The following CTNND2 variants were observed in gnomAD, a reference collection of about 807,000 sequenced individuals.
CTNND2 encodes the protein catenin delta-2.
In CTNND2, 22 loss-of-function variants were observed where a neutral mutation model predicts 144.4. The ratio of observed to expected loss-of-function variants is 0.15; its 90% confidence interval spans 0.11 to 0.22. CTNND2 has a LOEUF of 0.22. Among genes scored for constraint, CTNND2 ranks in the 10% least tolerant of loss-of-function variants. CTNND2 has a pLI of 1.00. For synonymous variants in CTNND2, 751 were observed against 695.6 expected, an observed-to-expected ratio of 1.08 and a Z score of -1.25; for missense variants, 1,353 against 1,618.8, an observed-to-expected ratio of 0.84 and a Z score of 2.82.
intron 3 of CTNND2, among the ~76,000 whole-genome samples, chr5:11,517,085 T>C (rs1430036723): frequency 1.3e-5 from 2 of 152,200 alleles, no homozygotes; most frequent in Admixed American, 6.5e-5. Flanking sequence ...GAAGTTCTAG[T>C]TGCTGAATAA....
At chr5:11,820,294 G>T (rs61761638) in intron 1 of CTNND2, among the ~76,000 whole-genome samples, 1 of 152,230 alleles carries the variant, frequency 6.6e-6, no homozygotes, top group African/African-American at 2.4e-5. Flanking sequence ...GAGATCCAAG[G>T]CTGCCTCTTT....
At chr5:11,478,524 C>T (rs993585468) in intron 3 of CTNND2, among the ~76,000 whole-genome samples, 1 of 152,186 alleles carries the variant, frequency 6.6e-6, no homozygotes, top group African/African-American at 2.4e-5. Context: ...TTTGTCAAAA[C>T]ACATCATACC....
At chr5:11,354,298 C>T (rs763315290) in intron 8 of CTNND2, among the ~76,000 whole-genome samples, 3 of 152,134 alleles carry the variant, frequency 2.0e-5, no homozygotes, top group African/African-American at 4.8e-5. Flanking sequence ...GTGGTTATGG[C>T]ATAAAAGGTA....
At chr5:11,889,483 T>C (rs1052090551) in intron 1 of CTNND2, among the ~76,000 whole-genome samples, 4 of 152,184 alleles carry the variant, frequency 2.6e-5, no homozygotes, top group African/African-American at 9.7e-5. Context: ...CTTAAAATAC[T>C]CGTTAGGCCA....
intron 16 of CTNND2, among the ~76,000 whole-genome samples, chr5:11,061,787 C>T (rs1051644919): frequency 9.9e-5 from 15 of 152,078 alleles, no homozygotes; most frequent in African/African-American, 2.9e-4. Context: ...CGGCTCACTG[C>T]AGCCTCCTCC....
chr5:11,110,762 T>G, intron 14 of CTNND2, 96 bp downstream of exon 14: 6 of 1,203,654 alleles, frequency 5.0e-6, no homozygotes, highest in Non-Finnish European at 6.9e-6. Flanking sequence ...TACCTCCTGA[T>G]GAAAATGCAG....
At chr5:11,124,169 G>A (rs1754426984) in intron 12 of CTNND2, among the ~76,000 whole-genome samples, 1 of 152,106 alleles carries the variant, frequency 6.6e-6, no homozygotes, top group Non-Finnish European at 1.5e-5. Flanking sequence ...AGAACTCCCA[G>A]CCTCTCCTGC....
intron 2 of CTNND2, among the ~76,000 whole-genome samples, chr5:11,610,186 T>C (rs1354270173): frequency 6.6e-6 from 1 of 152,176 alleles, no homozygotes; most frequent in East Asian, 1.9e-4. Flanking sequence ...CAGTAAGACC[T>C]GGCCAGCCCA....
At chr5:11,419,621 C>T (rs1762208216) in intron 3 of CTNND2, among the ~76,000 whole-genome samples, 1 of 152,200 alleles carries the variant, frequency 6.6e-6, no homozygotes, top group Non-Finnish European at 1.5e-5. Context: ...ATAGGAAGCA[C>T]ACTGGTGTAA....
At chr5:11,641,660 AT>A (rs1283796581) in intron 2 of CTNND2, among the ~76,000 whole-genome samples, 3 of 144,448 alleles carry the variant, frequency 2.1e-5, no homozygotes, top group Non-Finnish European at 4.4e-5. Flanking sequence ...ACGTGTGTAT[AT>A]ACATATACGT....
At chr5:11,844,976 C>A (rs1290872809) in intron 1 of CTNND2, among the ~76,000 whole-genome samples, 1 of 152,086 alleles carries the variant, frequency 6.6e-6, no homozygotes, top group Non-Finnish European at 1.5e-5. Context: ...CCATCATTTT[C>A]ATGAACGGGA....
At chr5:11,881,981 A>G (rs1299522212) in intron 1 of CTNND2, among the ~76,000 whole-genome samples, 1 of 152,020 alleles carries the variant, frequency 6.6e-6, no homozygotes, top group Non-Finnish European at 1.5e-5. Flanking sequence ...TTCCCTGATG[A>G]TTAGAGCTGT....
In CTNND2 at chr5:11,474,188, G is replaced by A. The variant is rs547314508; in HGVS notation, c.288-62119C>T. ...GAGATTAGCAAAAAGAATACAATATGATTTATATGATTAAAACTTCAATTA... is the reference window on the plus strand; with the variant it reads ...GAGATTAGCAAAAAGAATACAATATAATTTATATGATTAAAACTTCAATTA... On this transcript the variant is annotated intron_variant, in intron 3 of 21. Coordinates refer to ENST00000304623, the MANE Select transcript of CTNND2 (RefSeq NM_001332.4). 1.6e-3 allele frequency among the ~76,000 whole-genome samples: 246 copies of A among 152,232 alleles called. 2 individuals are homozygous for A. Among genetic ancestry groups the A allele is most frequent in the African/African-American group, 5.8e-3 (239 of 41,534 alleles).
chr5:10,996,507 C>G (rs982047002), intron 18 of CTNND2, among the ~76,000 whole-genome samples: 1 of 151,602 alleles, frequency 6.6e-6, no homozygotes, highest in Admixed American at 6.6e-5. Flanking sequence ...AAACAGCCCT[C>G]GAGGAGGGGG....
chr5:11,814,347 C>T (rs929916527), intron 1 of CTNND2, among the ~76,000 whole-genome samples: 4 of 152,244 alleles, frequency 2.6e-5, no homozygotes, highest in Non-Finnish European at 4.4e-5. Context: ...AGTGGACAAA[C>T]ATCTAATTAA....
At chr5:11,016,926 C>A (rs776580858) in intron 18 of CTNND2, among the ~76,000 whole-genome samples, 6 of 151,480 alleles carry the variant, frequency 4.0e-5, no homozygotes, top group Non-Finnish European at 8.8e-5. Context: ...GCTGCTACCA[C>A]GCCGAGCTTT....
chr5:11,362,271 T>C (rs1321091640), intron 8 of CTNND2, among the ~76,000 whole-genome samples: 3 of 152,226 alleles, frequency 2.0e-5, no homozygotes, highest in Non-Finnish European at 4.4e-5. Flanking sequence ...TCTCCATTTT[T>C]ATGGGTGTTA....
chr5:11,218,976 T>C (rs1370096612), intron 10 of CTNND2, among the ~76,000 whole-genome samples: 1 of 152,204 alleles, frequency 6.6e-6, no homozygotes, highest in African/African-American at 2.4e-5. Context: ...GGCCTGCACA[T>C]AGGGTGTGGC....
chr5:11,829,661 A>G (rs1793790867), intron 1 of CTNND2, among the ~76,000 whole-genome samples: 1 of 152,226 alleles, frequency 6.6e-6, no homozygotes, highest in South Asian at 2.1e-4. Context: ...TTTGCTACAG[A>G]GGCAGGGCTC....
Sources: allele counts gnomAD v4.1 joint callset (sites outside exome capture counted in the v4.1 genomes callset), GRCh38; gene constraint gnomAD v4.1.1; transcripts MANE v1.5; gene names NCBI Gene and HGNC (gene_info 2026-07-23, HGNC 2026-07-21).